Variants in TAF1D observed in about 807,000 individuals in gnomAD.
TAF1D encodes the protein TATA box-binding protein-associated factor RNA polymerase I subunit D.
A neutral mutation model predicts 26.2 loss-of-function variants in TAF1D; 23 were observed. The ratio of observed to expected loss-of-function variants is 0.88; its 90% CI spans 0.63 to 1.25. The LOEUF (loss-of-function observed/expected upper bound fraction) is 1.25. Among genes scored for constraint, TAF1D ranks in the 50% most tolerant of loss-of-function variants. TAF1D has a pLI of 0.00. For missense variants in TAF1D, 299 were observed against 322.0 expected, an observed-to-expected ratio of 0.93 and a Z score of 0.55; for synonymous variants, 100 against 105.6, an observed-to-expected ratio of 0.95 and a Z score of 0.33.
downstream of TAF1D, chr11:93,732,788 ATTC>A (rs1215127729): frequency 4.4e-6 from 1 of 228,808 alleles, no homozygotes; most frequent in African/African-American, 2.3e-5. Context: ...GTTACACAAA[ATTC>A]TTTTTATGTA....
chr11:93,734,685 A>G (rs763998801), downstream of TAF1D: 49 of 1,266,428 alleles, frequency 3.9e-5, no homozygotes, highest in East Asian at 1.1e-4. Flanking sequence ...GCCATTGTGT[A>G]TATCATCAAC....
Position 93,736,751 on chromosome 11 carries a change from TC to T in TAF1D, c.636-1del. ...GATGTGTTGCATCCTCATCCTCTGC[TC>T]TGTAATATTAAAATTTATCATCGAG... is the stretch of plus-strand genomic sequence containing the variant. On this transcript the variant is annotated splice_acceptor_variant, in intron 4 of 5. Coordinates refer to ENST00000448108, the MANE Select transcript of TAF1D (RefSeq NM_024116.4). LOFTEE classifies it high-confidence loss of function. 6.2e-7 allele frequency: 1 copy of T among 1,608,196 alleles called. No homozygotes were observed.
At chr11:93,739,601 T>C (rs1453869632) in intron 1 of TAF1D, among the ~76,000 whole-genome samples, 5 of 152,156 alleles carry the variant, frequency 3.3e-5, no homozygotes, top group Admixed American at 6.5e-5. Context: ...TCTTTCAATA[T>C]AAGTAAAAAA....
downstream of TAF1D, chr11:93,732,116 A>G (rs1444123549): frequency 1.9e-6 from 1 of 518,788 alleles, no homozygotes; most frequent in Non-Finnish European, 3.8e-6. Context: ...AACAGTGCCC[A>G]TTCTCTAGAA....
chr11:93,739,211 C>T (rs760899596), intron 2 of TAF1D, 26 bp downstream of exon 2: 1 of 1,551,532 alleles, frequency 6.4e-7, no homozygotes, highest in South Asian at 1.1e-5. Flanking sequence ...AATTCAGATA[C>T]AATAAACATG....
chr11:93,735,263 TAGTC>T (rs760334385), downstream of TAF1D: 39 of 1,327,830 alleles, frequency 2.9e-5, no homozygotes, highest in Non-Finnish European at 3.7e-5. Flanking sequence ...CATAGCAGAG[TAGTC>T]AGCTCTATCG....
chr11:93,739,398 T>C, intron 1 of TAF1D, 67 bp from the exon 2 acceptor site: 1 of 1,054,722 alleles, frequency 9.5e-7, no homozygotes, highest in Non-Finnish European at 1.4e-6. Flanking sequence ...TACTACAGTG[T>C]TGAACGTGGT....
At chr11:93,731,110 G>C (rs751971992), downstream of TAF1D, 1 of 501,308 alleles carries the variant, frequency 2.0e-6, no homozygotes, top group South Asian at 1.5e-5. Context: ...TTACACCCTT[G>C]AGCAAATAAC....
At chr11:93,731,028 A>C (rs757491906), downstream of TAF1D, 3 of 519,084 alleles carry the variant, frequency 5.8e-6, no homozygotes, top group East Asian at 5.4e-5. Flanking sequence ...TAGAAAACCT[A>C]CTGGGAAATT....
intron 4 of TAF1D, 33 bp downstream of exon 4, chr11:93,737,031 T>C (rs763303314): frequency 2.0e-6 from 3 of 1,519,490 alleles, no homozygotes; most frequent in South Asian, 1.3e-5. Context: ...ATTTATAACC[T>C]ATTACCAAAG....
At position 93,738,402 on chromosome 11, in the gene TAF1D, G is replaced by C. The variant is rs764603250; in HGVS notation, c.166C>G (p.Pro56Ala). The change falls in exon 3 of 6, where the codon CCT becomes GCT. Residue 56 changes from proline to alanine, a missense_variant. Transcript: ENST00000448108. ...GAATCACTTGCGTGAACACTTTCAG[G>C]TGTACGAACAAATTTTCGAATGGGG... ...RNPIRKFVRT[P>A]ESVHASDSSS... is the part of the protein sequence containing the mutation. The C allele has an allele frequency of 6.2e-7, 1 of 1,613,578 alleles. No homozygotes were observed. Among genetic ancestry groups the C allele is most frequent in the African/African-American group, 1.3e-5 (1 of 74,896 alleles).
At chr11:93,734,054 T>G (rs1457957108), downstream of TAF1D, 1 of 152,392 alleles carries the variant, frequency 6.6e-6, no homozygotes, top group Non-Finnish European at 1.5e-5. Context: ...AACTTAAGAT[T>G]TAAGTTTAAA....
Position 93,737,144 on chromosome 11 carries a change from ATC to A in TAF1D, c.553_554del (p.Asp185PhefsTer4). 1 of 1,612,482 alleles carries A rather than the reference ATC, an allele frequency of 6.2e-7. No individual in the cohort carries two copies. Among genetic ancestry groups the A allele is most frequent in the Non-Finnish European group, 8.5e-7 (1 of 1,179,288 alleles). On this transcript the variant is annotated frameshift_variant, in exon 4 of 6. Coordinates refer to ENST00000448108, the MANE Select transcript of TAF1D (RefSeq NM_024116.4). LOFTEE classifies it high-confidence loss of function. ...GACTGTCAAAATCTTCATTTTCTAAATCTTCACCAACATTCATTTGCTTCAAT... is the reference window on the plus strand; with the variant it reads ...GACTGTCAAAATCTTCATTTTCTAAATTCACCAACATTCATTTGCTTCAAT... ...ESLKQMNVGE[D>X]LENEDFDSRR...
At chr11:93,734,503 C>G (rs1940240425), downstream of TAF1D, 1 of 387,680 alleles carries the variant, frequency 2.6e-6, no homozygotes, top group South Asian at 1.9e-5. Context: ...TTTCAGAAAT[C>G]AGTATAAATG....
downstream of TAF1D, chr11:93,732,079 C>T: frequency 1.9e-6 from 1 of 519,034 alleles, no homozygotes; most frequent in Non-Finnish European, 3.8e-6. Flanking sequence ...AATTTAGCCA[C>T]ATTAACTATT....
downstream of TAF1D, chr11:93,735,225 T>TA: frequency 7.4e-7 from 1 of 1,351,126 alleles, no homozygotes; most frequent in South Asian, 1.1e-5. Flanking sequence ...AACAAAAACA[T>TA]ACATAAGTGC....
downstream of TAF1D, chr11:93,731,161 T>C (rs1938624660): frequency 2.1e-6 from 1 of 471,624 alleles, no homozygotes; most frequent in South Asian, 1.6e-5. Context: ...ATAATTACTT[T>C]GGCTTCTGTC....
At position 93,737,091 on chromosome 11, in the gene TAF1D, C is replaced by T. The variant is rs1387230374; in HGVS notation, c.608G>A (p.Gly203Glu). ...TGACTCCTCAATAGGAGAAATGGAT[C>T]CATCATCATCCAAAAATTTGTATCT... ...SRRYKFLDDDGSISPIEESTA... is the reference protein window; with the variant it reads ...SRRYKFLDDDESISPIEESTA... The change falls in exon 4 of 6, where the codon GGA becomes GAA. Residue 203 changes from glycine to glutamate, a missense_variant. Gly to Glu is a moderately conservative substitution (Grantham distance 98, BLOSUM62 -2). Coordinates refer to ENST00000448108, the MANE Select transcript of TAF1D (RefSeq NM_024116.4). The T allele has an allele frequency of 6.2e-7, 1 of 1,606,852 alleles. No individual in the cohort carries two copies. Among genetic ancestry groups the T allele is most frequent in the Non-Finnish European group, 8.5e-7 (1 of 1,177,376 alleles).
chr11:93,735,351 C>A, downstream of TAF1D: 1 of 1,108,218 alleles, frequency 9.0e-7, no homozygotes, highest in Non-Finnish European at 1.1e-6. Flanking sequence ...AATGTGTATG[C>A]CTTTTCTTGA....
Sources: gnomAD v4.1 joint callset for allele counts (sites outside exome capture counted in the v4.1 genomes callset) on GRCh38, gnomAD v4.1.1 for gene constraint, MANE v1.5 for transcripts, NCBI Gene and HGNC (gene_info 2026-07-23, HGNC 2026-07-21) for gene names.